The following GYPC variants were observed in gnomAD, a reference collection of about 807,000 sequenced individuals.
GYPC encodes the protein glycophorin-C.
In GYPC, 14 loss-of-function variants were observed where a neutral mutation model predicts 12.6. The observed-to-expected ratio is 1.11, with a 90% CI of 0.74 to 1.74. GYPC has a LOEUF of 1.74. GYPC is among the 40% of genes most tolerant of loss of function. The pLI, the probability that GYPC is intolerant of heterozygous loss-of-function variation, is 0.00. For synonymous variants in GYPC, 78 were observed against 62.1 expected, an observed-to-expected ratio of 1.26 and a Z score of -1.20; for missense variants, 225 against 172.1, an observed-to-expected ratio of 1.31 and a Z score of -1.72.
At chr2:126,674,736 C>G (rs1682948532) in intron 1 of GYPC, among the ~76,000 whole-genome samples, 1 of 152,144 alleles carries the variant, frequency 6.6e-6, no homozygotes, top group South Asian at 2.1e-4. Context: ...AGCCCAAGCA[C>G]CTTGCTCCTT....
At chr2:126,685,689 A>G (rs144302046) in intron 1 of GYPC, 1 of 744,598 alleles carries the variant, frequency 1.3e-6, no homozygotes, top group African/African-American at 1.9e-5. Flanking sequence ...GGCCTGGTAA[A>G]TTGACTTTTC....
chr2:126,686,199 C>T, intron 1 of GYPC: 1 of 985,378 alleles, frequency 1.0e-6, no homozygotes, highest in Non-Finnish European at 1.2e-6. Flanking sequence ...CTTCCAGCCT[C>T]AGGGCTAGCA....
intron 3 of GYPC, 121 bp from the exon 4 acceptor site, chr2:126,695,825 A>T: frequency 1.3e-6 from 1 of 783,190 alleles, no homozygotes; most frequent in Non-Finnish European, 2.3e-6. Flanking sequence ...TAAATCAAGG[A>T]GCATCTCTTT....
intron 2 of GYPC, among the ~76,000 whole-genome samples, chr2:126,690,806 G>A (rs1232108751): frequency 6.6e-6 from 1 of 152,174 alleles, no homozygotes; most frequent in African/African-American, 2.4e-5. Context: ...CCTGAGCAAC[G>A]GGCTCCCCAT....
At chr2:126,672,893 A>G (rs1682889179) in intron 1 of GYPC, among the ~76,000 whole-genome samples, 1 of 152,072 alleles carries the variant, frequency 6.6e-6, no homozygotes, top group Non-Finnish European at 1.5e-5. Context: ...TCCTCTCTGA[A>G]ATCAGAGAGG....
At chr2:126,677,522 T>A (rs435911) in intron 1 of GYPC, among the ~76,000 whole-genome samples, 7,147 of 93,736 alleles carry the variant, frequency 0.076, 563 homozygotes, top group African/African-American at 0.19. Context: ...TGTGAGTCTG[T>A]GTGTGTGTGA....
chr2:126,675,665 G>A (rs989424944), intron 1 of GYPC: 114 of 984,572 alleles, frequency 1.2e-4, no homozygotes, highest in Non-Finnish European at 1.3e-4. Context: ...TTCACCTGTC[G>A]TGGCTGTTCG....
At chr2:126,672,881 TCTC>T (rs1573563357) in intron 1 of GYPC, among the ~76,000 whole-genome samples, 2 of 151,956 alleles carry the variant, frequency 1.3e-5, no homozygotes, top group Admixed American at 6.5e-5. Context: ...ATAGCCTCCT[TCTC>T]CTCTCTGAAA....
chr2:126,696,009 A>C lies in GYPC; in HGVS notation c.254A>C (p.Tyr85Ser). 6.2e-7 allele frequency: 1 copy of C among 1,614,106 alleles called. No individual in the cohort carries two copies. Among genetic ancestry groups the C allele is most frequent in the Non-Finnish European group, 8.5e-7 (1 of 1,179,980 alleles). ...SLLFVMLRYM[Y>S]RHKGTYHTNE... is the part of the protein sequence containing the mutation. The stretch of plus-strand genomic sequence containing the variant: ...CTCTTCGTCATGCTGCGCTACATGT[A>C]CCGGCACAAGGGCACGTACCACACC... Residue 85 changes from tyrosine (Y) to serine (S), a missense_variant, in exon 4 of 4, where the codon TAC (tyrosine) becomes TCC (serine). Coordinates refer to ENST00000259254, the MANE Select transcript of GYPC (RefSeq NM_002101.5).
rs145539124 is a variant in GYPC at position 126,687,445 on chromosome 2, G to A, written c.50-2810G>A. ...AGGATGCTGTGTATCCAGAGACTAT[G>A]CTTTGAGAATTGCTGTCTCACAGCA... is the stretch of plus-strand genomic sequence containing the variant. On this transcript the variant is annotated intron_variant, in intron 1 of 3. Coordinates refer to ENST00000259254, the MANE Select transcript of GYPC (RefSeq NM_002101.5). Among the ~76,000 whole-genome samples, 145 of 152,308 alleles carry A rather than the reference G, an allele frequency of 9.5e-4. 2 individuals are homozygous for A. The highest frequency in any genetic ancestry group is 3.2e-3 in the African/African-American group (135 of 41,562).
intron 1 of GYPC, 55 bp from the exon 2 acceptor site, chr2:126,690,200 G>C: frequency 7.6e-7 from 1 of 1,321,202 alleles, no homozygotes; most frequent in Non-Finnish European, 1.1e-6. Flanking sequence ...CCAAGGTGCT[G>C]CTAGGCATGG....
At chr2:126,677,345 A>C (rs1683022012) in intron 1 of GYPC, among the ~76,000 whole-genome samples, 1 of 146,878 alleles carries the variant, frequency 6.8e-6, no homozygotes, top group South Asian at 2.2e-4. Flanking sequence ...GTAAGAAAGA[A>C]TGTGTGTGTG....
intron 1 of GYPC, among the ~76,000 whole-genome samples, chr2:126,688,287 A>G (rs1414230464): frequency 6.6e-6 from 1 of 152,224 alleles, no homozygotes; most frequent in African/African-American, 2.4e-5. Flanking sequence ...TTGAGCTTCT[A>G]TAACCATCCA....
intron 1 of GYPC, chr2:126,678,213 C>T (rs187511339): frequency 6.6e-6 from 1 of 151,580 alleles, no homozygotes; most frequent in East Asian, 1.9e-4. Flanking sequence ...CAGACCAAGA[C>T]TCCATCTCAA....
In GYPC at chr2:126,696,125, AAGG is replaced by A. The variant is rs1212969338; in HGVS notation, c.373_375del (p.Glu125del). 1.9e-6 allele frequency: 3 copies of A among 1,613,348 alleles called. No individual in the cohort carries two copies. The highest frequency in any genetic ancestry group is 2.5e-6 in the Non-Finnish European group (3 of 1,179,258). ...CCAAGATGCTGGTGATAGCAGCAGA[AAGG>A]AGTACTTTATTTGAGGGACAACAGA... On this transcript the variant is annotated inframe_deletion, in exon 4 of 4. Transcript: ENST00000259254.
chr2:126,672,208 G>T (rs911473782), intron 1 of GYPC, among the ~76,000 whole-genome samples: 5 of 152,148 alleles, frequency 3.3e-5, no homozygotes, highest in African/African-American at 9.7e-5. Context: ...GAGCCTTCAA[G>T]GCCCCTCCAG....
Position 126,693,916 on chromosome 2 carries a change from C to G in GYPC, c.159C>G (p.Thr53=). The change falls in exon 3 of 4, where the codon ACC becomes ACG. Residue 53 remains threonine, a synonymous_variant. Coordinates refer to ENST00000259254, the MANE Select transcript of GYPC (RefSeq NM_002101.5). ...GWPDGRMETS[T]PTIMDIVVIA... Reference sequence around the variant, plus strand: ...CGGATGGCAGAATGGAGACCTCCACCCCCACCATAATGGACATTGTCGTCA... The same window carrying G: ...CGGATGGCAGAATGGAGACCTCCACGCCCACCATAATGGACATTGTCGTCA... 1 of 1,612,130 alleles carries G rather than the reference C, an allele frequency of 6.2e-7. No individual in the cohort carries two copies. The highest frequency in any genetic ancestry group is 8.5e-7 in the Non-Finnish European group (1 of 1,178,232).
At chr2:126,686,127 A>G in intron 1 of GYPC, 1 of 985,464 alleles carries the variant, frequency 1.0e-6, no homozygotes, top group Non-Finnish European at 1.2e-6. Flanking sequence ...AGAACTTTTT[A>G]GCACAGTGTC....
At chr2:126,661,830 A>T (rs1434430805) in intron 1 of GYPC, among the ~76,000 whole-genome samples, 1 of 151,962 alleles carries the variant, frequency 6.6e-6, no homozygotes, top group African/African-American at 2.4e-5. Context: ...CACAACAGTG[A>T]CCTCTTTCCA....
Sources: gnomAD v4.1 joint callset for allele counts (sites outside exome capture counted in the v4.1 genomes callset) on GRCh38, gnomAD v4.1.1 for gene constraint, MANE v1.5 for transcripts, NCBI Gene and HGNC (gene_info 2026-07-23, HGNC 2026-07-21) for gene names.